MYLK: variants seen among roughly 807,000 people sequenced by gnomAD.
MYLK encodes myosin light chain kinase.
In MYLK, 106 loss-of-function variants were observed where a neutral mutation model predicts 203.4. The ratio of observed to expected loss-of-function variants is 0.52; its 90% CI spans 0.45 to 0.61. The LOEUF (loss-of-function observed/expected upper bound fraction) is 0.61, where lower values mean the gene tolerates loss of function less well. MYLK is among the 20% of genes least tolerant of loss of function. MYLK has a pLI of 0.00. For synonymous variants in MYLK, 867 were observed against 959.5 expected, an observed-to-expected ratio of 0.90 and a Z score of 1.78; for missense variants, 2,072 against 2,442.3, an observed-to-expected ratio of 0.85 and a Z score of 3.20.
intron 4 of MYLK, among the ~76,000 whole-genome samples, chr3:123,783,492 C>CT (rs1209314698): frequency 1.3e-5 from 2 of 152,314 alleles, no homozygotes; most frequent in Non-Finnish European, 2.9e-5. Flanking sequence ...GTCTACACTT[C>CT]TTTCACTGTA....
chr3:123,754,223 A>C (rs1283845375), intron 4 of MYLK, among the ~76,000 whole-genome samples: 2 of 152,218 alleles, frequency 1.3e-5, no homozygotes, highest in Admixed American at 6.5e-5. Context: ...GAAGCCTTGA[A>C]TAACAGGGAA....
intron 7 of MYLK, among the ~76,000 whole-genome samples, chr3:123,738,376 A>G (rs1360686136): frequency 1.3e-5 from 2 of 152,202 alleles, no homozygotes; most frequent in East Asian, 3.9e-4. Flanking sequence ...TAATAGGGAC[A>G]GGAACATGCA....
At chr3:123,866,938 T>C (rs1169212816) in intron 2 of MYLK, among the ~76,000 whole-genome samples, 1 of 152,152 alleles carries the variant, frequency 6.6e-6, no homozygotes. Context: ...TCTGCATGTC[T>C]GCCCAGTCCC....
intron 11 of MYLK, 62 bp from the exon 12 acceptor site, chr3:123,726,140 G>T: frequency 6.2e-7 from 1 of 1,605,474 alleles, no homozygotes; most frequent in South Asian, 1.1e-5. Flanking sequence ...GATGCCTGCA[G>T]TCACCCCAGC....
intron 4 of MYLK, among the ~76,000 whole-genome samples, chr3:123,762,849 T>G (rs1190497422): frequency 1.3e-5 from 2 of 152,214 alleles, no homozygotes; most frequent in Non-Finnish European, 2.9e-5. Flanking sequence ...TGCATTGATC[T>G]TAGACTTCTC....
chr3:123,830,811 C>A (rs2066299542), intron 3 of MYLK, among the ~76,000 whole-genome samples: 1 of 152,166 alleles, frequency 6.6e-6, no homozygotes, highest in African/African-American at 2.4e-5. Flanking sequence ...GCTAAAGCTG[C>A]AGAAAGCAAT....
At chr3:123,633,548 A>C (rs185696001) in intron 29 of MYLK, among the ~76,000 whole-genome samples, 1 of 152,352 alleles carries the variant, frequency 6.6e-6, no homozygotes, top group East Asian at 1.9e-4. Flanking sequence ...TGTTTTTCAC[A>C]AAACTATAAT....
At chr3:123,770,240 C>T (rs961956053) in intron 4 of MYLK, among the ~76,000 whole-genome samples, 2 of 152,012 alleles carry the variant, frequency 1.3e-5, no homozygotes, top group South Asian at 4.2e-4. Context: ...AGGAGAATCA[C>T]TTGAACCTCA....
chr3:123,720,990 G>A (rs963735421), intron 13 of MYLK, among the ~76,000 whole-genome samples: 1 of 152,192 alleles, frequency 6.6e-6, no homozygotes. Flanking sequence ...GCAGACTAAC[G>A]TGATGCGCTT....
chr3:123,695,033 T>C (rs894176120), intron 18 of MYLK, among the ~76,000 whole-genome samples: 1 of 152,182 alleles, frequency 6.6e-6, no homozygotes, highest in Non-Finnish European at 1.5e-5. Context: ...AGGGCTGTGG[T>C]GGAGTAAGCG....
chr3:123,690,445 G>A (rs2060617859), intron 19 of MYLK, among the ~76,000 whole-genome samples: 1 of 152,142 alleles, frequency 6.6e-6, no homozygotes, highest in South Asian at 2.1e-4. Context: ...GGATCCCCAA[G>A]TCAAGTATGA....
rs906992648 is a variant in MYLK, at chr3:123,613,648, T to C, written c.*457A>G. On this transcript the variant is annotated 3_prime_UTR_variant, in exon 34 of 34. Coordinates refer to ENST00000360304, the MANE Select transcript of MYLK (RefSeq NM_053025.4). ...TGCTTTCAGAAATGAATTGCTGGAG[T>C]ACTGGGAGAAAACCCAGTTCTCTAG... The C allele has an allele frequency of 1.5e-5, 3 of 203,354 alleles. No individual in the cohort carries two copies. The highest frequency in any genetic ancestry group is 7.1e-5 in the African/African-American group (3 of 42,012). The allele number at this position is 203,354 out of a possible 1,614,324, so 12.6% of individuals were successfully genotyped here.
intron 27 of MYLK, among the ~76,000 whole-genome samples, chr3:123,645,400 G>T (rs2058980050): frequency 6.6e-6 from 1 of 152,158 alleles, no homozygotes; most frequent in Admixed American, 6.5e-5. Context: ...GGCATGAGGG[G>T]AGAGAAAAGA....
At chr3:123,879,439 C>T (rs2033375828) in intron 1 of MYLK, among the ~76,000 whole-genome samples, 1 of 151,826 alleles carries the variant, frequency 6.6e-6, no homozygotes, top group South Asian at 2.1e-4. Flanking sequence ...CAAATGCTTA[C>T]CCTCCCTTCC....
chr3:123,646,843 G>A, intron 27 of MYLK: 1 of 233,598 alleles, frequency 4.3e-6, no homozygotes, highest in Non-Finnish European at 8.5e-6. Flanking sequence ...AAGTCAGGAA[G>A]CTGCCCTGTC....
Position 123,744,429 on chromosome 3 carries a change from A to T in MYLK, c.374-4428T>A, listed in dbSNP as rs143203932. 2.8e-3 allele frequency among the ~76,000 whole-genome samples: 431 copies of T among 152,350 alleles called. 2 individuals are homozygous for T. Among genetic ancestry groups the T allele is most frequent in the Non-Finnish European group, 2.6e-3 (178 of 68,040 alleles). ...TCTACAGTGGACACTAGAATATTCA[A>T]ATAAAAAGATGTATTATATAAAAAA... is the stretch of plus-strand genomic sequence containing the variant. On this transcript the variant is annotated intron_variant, in intron 5 of 33. Transcript: ENST00000360304.
In MYLK at chr3:123,739,022, T is replaced by G. The variant is rs368775754; in HGVS notation, c.463A>C (p.Ile155Leu). Residue 155 changes from isoleucine (I) to leucine (L), a missense_variant, in exon 7 of 34, where the codon ATC (isoleucine) becomes CTC (leucine). Transcript: ENST00000360304. Reference protein sequence around the residue: ...SAPAVETRPSIWGECPPKFAT... With the variant: ...SAPAVETRPSLWGECPPKFAT... The stretch of plus-strand genomic sequence containing the variant: ...AACTTTGGTGGGCACTCCCCCCAGA[T>G]GCTAGGACGGGTCTCCACTGCTGGA... The G allele has an allele frequency of 1.2e-6, 2 of 1,613,824 alleles. No individual in the cohort carries two copies. Among genetic ancestry groups the G allele is most frequent in the Non-Finnish European group, 1.7e-6 (2 of 1,179,984 alleles).
intron 17 of MYLK, 152 bp from the exon 18 acceptor site, chr3:123,701,157 G>A (rs2061197070): frequency 8.9e-7 from 1 of 1,129,918 alleles, no homozygotes; most frequent in Admixed American, 2.1e-5. Context: ...TTATAGATGG[G>A]AACATTGGTG....
At chr3:123,707,643 G>C in intron 16 of MYLK, 111 bp downstream of exon 16, 2 of 1,560,932 alleles carry the variant, frequency 1.3e-6, no homozygotes, top group Admixed American at 3.3e-5. Context: ...TTACCTGGAA[G>C]TCCAAGCCCC....
Sources: gnomAD v4.1 joint callset for allele counts (sites outside exome capture counted in the v4.1 genomes callset) on GRCh38, gnomAD v4.1.1 for gene constraint, MANE v1.5 for transcripts, NCBI Gene and HGNC (gene_info 2026-07-23, HGNC 2026-07-21) for gene names.